The following CFAP47 variants were observed in gnomAD, a reference collection of about 807,000 sequenced individuals.
The protein encoded by CFAP47 is cilia and flagella associated protein 47.
Under a neutral mutation model 148.1 loss-of-function variants are expected in CFAP47, and 29 were observed. The ratio of observed to expected loss-of-function variants is 0.20; its 90% confidence interval spans 0.15 to 0.27. The LOEUF (loss-of-function observed/expected upper bound fraction) is 0.27, where lower values mean the gene tolerates loss of function less well. CFAP47 is among the 10% of genes least tolerant of loss of function. The pLI, the probability that CFAP47 is intolerant of heterozygous loss-of-function variation, is 1.00. For missense variants in CFAP47, 1,872 were observed against 1,697.5 expected (o/e 1.10, Z -1.81); for synonymous variants, 664 against 577.3 (o/e 1.15, Z -2.15).
chrX:36,105,866 A>G (rs1345970782), intron 33 of CFAP47, among the ~76,000 whole-genome samples: 1 of 112,762 alleles, frequency 8.9e-6, no homozygotes, highest in Non-Finnish European at 1.9e-5. Flanking sequence ...TAATTTTACC[A>G]AAACAGTGGC....
chrX:35,970,889 A>C lies in CFAP47; in HGVS notation c.1936A>C (p.Arg646=), dbSNP rs142414768. 5.6e-5 allele frequency: 67 copies of C among 1,190,399 alleles called. No homozygotes were observed. The highest frequency in any genetic ancestry group is 7.3e-5 in the Non-Finnish European group (65 of 886,880). The part of the protein sequence containing the change: ...NYYAMYLKYL[R]SVRLQKKQAE... The stretch of plus-strand genomic sequence containing the variant: ...TTATGCAATGTATCTTAAATATTTA[A>C]GAAGTGTGCGCTTGCAGAAGAAACA... Residue 646 remains arginine, a synonymous_variant, in exon 11 of 64, where the codon AGA becomes CGA. Coordinates refer to ENST00000378653, the MANE Select transcript of CFAP47 (RefSeq NM_001304548.2).
intron 49 of CFAP47, among the ~76,000 whole-genome samples, chrX:36,259,901 T>C (rs6629060): frequency 0.27 from 30,186 of 110,098 alleles, 5,021 homozygotes; most frequent in African/African-American, 0.61. Context: ...TGTCTATTGC[T>C]CCCATCTTTG....
chrX:35,961,725 A>T (rs1304614618), intron 8 of CFAP47, among the ~76,000 whole-genome samples: 1 of 110,538 alleles, frequency 9.0e-6, no homozygotes, highest in Non-Finnish European at 1.9e-5. Context: ...TTGCTTATTA[A>T]GTCTAGTTAA....
chrX:35,926,421 A>G (rs1244579407), intron 2 of CFAP47, among the ~76,000 whole-genome samples: 1 of 111,968 alleles, frequency 8.9e-6, no homozygotes, highest in Non-Finnish European at 1.9e-5. Flanking sequence ...TTTTAATTTA[A>G]TTTTAAAGTA....
At chrX:36,289,477 G>GA (rs1156237939) in intron 51 of CFAP47, among the ~76,000 whole-genome samples, 4 of 110,487 alleles carry the variant, frequency 3.6e-5, no homozygotes, top group East Asian at 5.7e-4. Context: ...TTTTAATCCG[G>GA]AAAAAATATC....
At chrX:36,355,810 A>C (rs182921912) in intron 60 of CFAP47, among the ~76,000 whole-genome samples, 1 of 112,037 alleles carries the variant, frequency 8.9e-6, no homozygotes, top group East Asian at 2.8e-4. Context: ...AGTTAACAAT[A>C]TTGTGTGGTG....
intron 49 of CFAP47, among the ~76,000 whole-genome samples, chrX:36,279,031 C>T (rs1556003127): frequency 9.0e-6 from 1 of 111,642 alleles, no homozygotes; most frequent in African/African-American, 3.3e-5. Flanking sequence ...TTTCTCACCT[C>T]CCCCCAGAAA....
intron 49 of CFAP47, among the ~76,000 whole-genome samples, chrX:36,262,803 C>T (rs782284841): frequency 3.6e-5 from 4 of 111,817 alleles, no homozygotes; most frequent in South Asian, 3.8e-4. Flanking sequence ...CTGTTCTTCA[C>T]GATGGTTGTA....
chrX:36,149,085 T>C, intron 36 of CFAP47, 23 bp from the exon 37 acceptor site: 1 of 295,119 alleles, frequency 3.4e-6, no homozygotes, highest in Non-Finnish European at 5.9e-6. Flanking sequence ...ATCTTACTTA[T>C]ATCCTCTTCT....
At chrX:36,054,463 T>C (rs1183333284) in intron 26 of CFAP47, among the ~76,000 whole-genome samples, 1 of 112,137 alleles carries the variant, frequency 8.9e-6, no homozygotes, top group East Asian at 2.8e-4. Context: ...GTTTAAAAAT[T>C]TCTGTTCAAC....
intron 45 of CFAP47, among the ~76,000 whole-genome samples, chrX:36,212,825 C>G (rs781813130): frequency 9.0e-6 from 1 of 111,246 alleles, no homozygotes. Flanking sequence ...AAAAACTATA[C>G]GCAGCCAGGA....
At chrX:36,248,179 T>G (rs7063217) in intron 48 of CFAP47, among the ~76,000 whole-genome samples, 31,153 of 100,530 alleles carry the variant, frequency 0.31, 6,260 homozygotes, top group African/African-American at 0.67. Flanking sequence ...TGTATTATAT[T>G]TATTATGTAT....
chrX:36,110,463 G>C (rs1039084589), intron 33 of CFAP47, among the ~76,000 whole-genome samples: 4 of 110,644 alleles, frequency 3.6e-5, no homozygotes, highest in Non-Finnish European at 7.6e-5. Flanking sequence ...TGTTCCATTG[G>C]TTTATGTATC....
chrX:36,376,568 G>A (rs782762221), intron 62 of CFAP47, among the ~76,000 whole-genome samples: 36 of 111,878 alleles, frequency 3.2e-4, no homozygotes, highest in African/African-American at 1.0e-3. Flanking sequence ...CCAGCAGGAG[G>A]GATAATGGCA....
rs1275236307 is a variant in CFAP47 at position 36,138,448 on chromosome X, T to G, written c.5519T>G (p.Phe1840Cys). Residue 1840 changes from phenylalanine (F) to cysteine (C), a missense_variant, in exon 35 of 64, where the codon TTT becomes TGT. Transcript: ENST00000378653. The stretch of plus-strand genomic sequence containing the variant: ...GTAAATACTCTTTATGAAATTGACT[T>G]TGACGTGGAAATACAGGTGGGTGCC... ...IIVNTLYEID[F>C]DVEIQATDIC... 6 of 1,155,061 alleles carry G rather than the reference T, an allele frequency of 5.2e-6. No individual in the cohort carries two copies. Among genetic ancestry groups the G allele is most frequent in the Non-Finnish European group, 6.9e-6 (6 of 873,718 alleles).
rs1342441682 is a variant in CFAP47, at chrX:36,028,395, T to C, written c.3557-2858T>C. 7.2e-5 allele frequency among the ~76,000 whole-genome samples: 8 copies of C among 111,587 alleles called. No individual in the cohort carries two copies. In the East Asian group the frequency reaches 2.2e-3, roughly 31 times the overall value. ...GAATTTTAGGATTGTTTTTTCTAAT[T>C]CTGCGAAAAATGACATTGGTACTTT... On this transcript the variant is annotated intron_variant, in intron 22 of 63. Coordinates refer to ENST00000378653, the MANE Select transcript of CFAP47 (RefSeq NM_001304548.2).
intron 51 of CFAP47, among the ~76,000 whole-genome samples, chrX:36,292,193 T>C (rs1941200182): frequency 9.0e-6 from 1 of 110,815 alleles, no homozygotes; most frequent in Non-Finnish European, 1.9e-5. Context: ...TGGTGGAGGA[T>C]TGGGGATTGG....
intron 57 of CFAP47, among the ~76,000 whole-genome samples, chrX:36,343,868 C>T (rs782468375): frequency 1.1e-3 from 117 of 110,190 alleles, no homozygotes; most frequent in Non-Finnish European, 1.5e-3. Flanking sequence ...TGAGAATATG[C>T]AGTGTTTGGT....
chrX:35,951,325 C>T lies in CFAP47; in HGVS notation c.851C>T (p.Ala284Val). Residue 284 changes from alanine to valine, a missense_variant, in exon 5 of 64, where the codon GCC (alanine) becomes GTC (valine). Transcript: ENST00000378653. ...AGCCCAGAGCCCATAAATTGGGTGG[C>T]CATCATACAAGATGATGCCGTGGGA... ...NNSPEPINWVAIIQDDAVGEE... is the reference protein window; with the variant it reads ...NNSPEPINWVVIIQDDAVGEE... 1 of 1,204,960 alleles carries T rather than the reference C, an allele frequency of 8.3e-7. No homozygotes were observed. Among genetic ancestry groups the T allele is most frequent in the Non-Finnish European group, 1.1e-6 (1 of 890,006 alleles).
Sources: gnomAD v4.1 joint callset for allele counts (sites outside exome capture counted in the v4.1 genomes callset) on GRCh38, gnomAD v4.1.1 for gene constraint, MANE v1.5 for transcripts, NCBI Gene and HGNC (gene_info 2026-07-23, HGNC 2026-07-21) for gene names.